IQCK: variants seen among roughly 807,000 people sequenced by gnomAD.
IQCK encodes the protein IQ motif containing K.
In IQCK, 29 loss-of-function variants were observed where a neutral mutation model predicts 28.1. That is an observed-to-expected ratio of 1.03 (90% confidence interval 0.77 to 1.41). IQCK has a LOEUF of 1.41. IQCK is among the 40% of genes most tolerant of loss of function. The pLI is 0.00. For synonymous variants in IQCK, 113 were observed against 115.1 expected (o/e 0.98, Z 0.12); for missense variants, 359 against 314.7 (o/e 1.14, Z -1.07).
chr16:19,830,696 A>G (rs1400637085), downstream of IQCK, among the ~76,000 whole-genome samples: 1 of 152,202 alleles, frequency 6.6e-6, no homozygotes, highest in Non-Finnish European at 1.5e-5. Flanking sequence ...GGAGTTGGCC[A>G]GACCTGCCTT....
chr16:19,771,388 G>A (rs1325222599), intron 6 of IQCK, among the ~76,000 whole-genome samples: 1 of 152,146 alleles, frequency 6.6e-6, no homozygotes, highest in Non-Finnish European at 1.5e-5. Context: ...CACCATGCCC[G>A]ACCAGTTTCT....
chr16:19,736,064 CA>C lies in IQCK; in HGVS notation c.474+624del, dbSNP rs759203259. The C allele has an allele frequency of 4.6e-3, 1,806 of 392,374 alleles. 8 individuals carry two copies. The highest frequency in any genetic ancestry group is 0.013 in the South Asian group (708 of 52,512). The allele number at this position is 392,374 out of a possible 1,614,324, so 24.3% of individuals were successfully genotyped here. On this transcript the variant is annotated intron_variant, in intron 4 of 7. Coordinates refer to ENST00000564186, the Ensembl canonical transcript of IQCK. ...CTGGGCAATAGCAAGACCCTCAACT[CA>C]AAAAAAAAATCCCACAGAACTCTGC...
chr16:19,750,922 T>C (rs931943468), intron 4 of IQCK, among the ~76,000 whole-genome samples: 22 of 152,116 alleles, frequency 1.4e-4, no homozygotes, highest in Admixed American at 1.2e-3. Flanking sequence ...ACTGGCCATT[T>C]AGGGGGAGTT....
chr16:19,719,629 G>A (rs1977416025), intron 1 of IQCK, among the ~76,000 whole-genome samples: 1 of 148,518 alleles, frequency 6.7e-6, no homozygotes, highest in South Asian at 2.1e-4. Context: ...TTTGAAATGT[G>A]ATTAGTGCAA....
chr16:19,761,860 C>G (rs556816423), intron 4 of IQCK: 1 of 164,592 alleles, frequency 6.1e-6, no homozygotes, highest in Admixed American at 5.7e-5. Flanking sequence ...ATTTAGATGT[C>G]CAGAGTAGGG....
chr16:19,737,071 A>C (rs921934465), intron 4 of IQCK, among the ~76,000 whole-genome samples: 3 of 151,612 alleles, frequency 2.0e-5, no homozygotes, highest in Non-Finnish European at 4.4e-5. Flanking sequence ...CTGAGATGGG[A>C]GGATCAACTG....
At chr16:19,719,493 A>T (rs573121295) in intron 1 of IQCK, among the ~76,000 whole-genome samples, 1 of 151,296 alleles carries the variant, frequency 6.6e-6, no homozygotes, top group African/African-American at 2.4e-5. Context: ...TGGGAGGCTG[A>T]GGAAAGGGAA....
intron 9 of IQCK, among the ~76,000 whole-genome samples, chr16:19,833,347 G>A (rs1292636): frequency 0.12 from 18,993 of 152,112 alleles, 1,626 homozygotes; most frequent in Non-Finnish European, 0.18. Flanking sequence ...CCATTTGTTC[G>A]GGAAATACTC....
intron 7 of IQCK, among the ~76,000 whole-genome samples, chr16:19,820,078 T>G (rs2056049053): frequency 6.6e-6 from 1 of 152,000 alleles, no homozygotes; most frequent in African/African-American, 2.4e-5. Flanking sequence ...ACACCGTATA[T>G]AAAAATTAAC....
intron 7 of IQCK, among the ~76,000 whole-genome samples, chr16:19,820,222 G>A (rs888907047): frequency 6.6e-6 from 1 of 151,484 alleles, no homozygotes; most frequent in African/African-American, 2.4e-5. Flanking sequence ...AAAAAAAATA[G>A]ATAATTTCAG....
At chr16:19,723,438 C>T (rs746684547) in intron 1 of IQCK, among the ~76,000 whole-genome samples, 2 of 152,158 alleles carry the variant, frequency 1.3e-5, no homozygotes, top group Non-Finnish European at 2.9e-5. Flanking sequence ...ATGTGCCAGG[C>T]ATTGTGCTAG....
chr16:19,739,831 GC>G (rs1275949704), intron 4 of IQCK, among the ~76,000 whole-genome samples: 1 of 152,032 alleles, frequency 6.6e-6, no homozygotes, highest in Non-Finnish European at 1.5e-5. Flanking sequence ...AAAAAGAGGA[GC>G]CCTCTCATTG....
At chr16:19,831,006 C>T (rs1329166755), downstream of IQCK, among the ~76,000 whole-genome samples, 1 of 152,208 alleles carries the variant, frequency 6.6e-6, no homozygotes, top group Admixed American at 6.5e-5. Context: ...GAGCCTGGCA[C>T]AGAGCAGATG....
At chr16:19,763,013 C>T (rs371513858) in intron 4 of IQCK, among the ~76,000 whole-genome samples, 8 of 152,168 alleles carry the variant, frequency 5.3e-5, no homozygotes, top group African/African-American at 1.9e-4. Context: ...GAGGCCCTGT[C>T]ACAAAAAGAA....
chr16:19,820,850 T>C (rs1433362340), intron 7 of IQCK, among the ~76,000 whole-genome samples: 1 of 152,050 alleles, frequency 6.6e-6, no homozygotes, highest in African/African-American at 2.4e-5. Context: ...ACCCACTGTT[T>C]AAAAGGGCAA....
At chr16:19,801,309 T>C in intron 7 of IQCK, among the ~76,000 whole-genome samples, 1 of 120,412 alleles carries the variant, frequency 8.3e-6, no homozygotes, top group Non-Finnish European at 1.5e-5. Flanking sequence ...TCTCTTTTTT[T>C]TTTTTTTTTA....
intron 4 of IQCK, among the ~76,000 whole-genome samples, chr16:19,750,873 T>G (rs2054977419): frequency 6.6e-6 from 1 of 152,178 alleles, no homozygotes; most frequent in South Asian, 2.1e-4. Flanking sequence ...AGTGGAAGTC[T>G]GAAAATGAGG....
At chr16:19,827,567 G>A (rs1248381962), downstream of IQCK, among the ~76,000 whole-genome samples, 4 of 152,214 alleles carry the variant, frequency 2.6e-5, no homozygotes, top group Non-Finnish European at 5.9e-5. Context: ...TGACCGGGCT[G>A]TGAGATGCCC....
At chr16:19,849,205 C>T (rs1450114304) in intron 9 of IQCK, among the ~76,000 whole-genome samples, 1 of 150,870 alleles carries the variant, frequency 6.6e-6, no homozygotes, top group Admixed American at 6.6e-5. Context: ...TACTGTAGAA[C>T]ATTCAGGAAA....
Sources: gnomAD v4.1 joint callset for allele counts (sites outside exome capture counted in the v4.1 genomes callset) on GRCh38, gnomAD v4.1.1 for gene constraint, MANE v1.5 for transcripts, NCBI Gene and HGNC (gene_info 2026-07-23, HGNC 2026-07-21) for gene names.